The following ASIC2 variants were observed in gnomAD, a reference collection of about 807,000 sequenced individuals.
ASIC2 encodes the protein acid sensing ion channel subunit 2.
In ASIC2, 25 loss-of-function variants were observed where a neutral mutation model predicts 57.3. The observed-to-expected ratio is 0.44, with a 90% confidence interval of 0.32 to 0.61. The LOEUF is 0.61. ASIC2 is among the 20% of genes least tolerant of loss of function. ASIC2 has a pLI of 0.06. For synonymous variants in ASIC2, 319 were observed against 307.5 expected (o/e 1.04, Z -0.39); for missense variants, 641 against 738.1 (o/e 0.87, Z 1.52).
intron 1 of ASIC2, among the ~76,000 whole-genome samples, chr17:33,913,252 A>G (rs753552988): frequency 6.6e-6 from 1 of 152,174 alleles, no homozygotes; most frequent in African/African-American, 2.4e-5. Context: ...TACATTTTCA[A>G]TAAATGTTAG....
At chr17:33,326,135 G>A (rs9915111) in intron 1 of ASIC2, among the ~76,000 whole-genome samples, 19,233 of 152,148 alleles carry the variant, frequency 0.13, 1,332 homozygotes, top group East Asian at 0.27. Context: ...GATTGTATCT[G>A]TTGTGCATTC....
At position 33,510,822 on chromosome 17, in the gene ASIC2, C is replaced by A. The variant is rs191853108; in HGVS notation, c.556-398755G>T. Among the ~76,000 whole-genome samples, 420 of 152,204 alleles carry A rather than the reference C, an allele frequency of 2.8e-3. 4 individuals carry two copies. The highest frequency in any genetic ancestry group is 9.7e-3 in the African/African-American group (404 of 41,528). On this transcript the variant is annotated intron_variant, in intron 1 of 9. Coordinates refer to the ASIC2 transcript ENST00000359872. ...CAGCTTGTAGAAGCATCTGAGAGTG[C>A]AACCCCTGCACGAGGCCTTGTGAAC...
chr17:33,161,308 CCTT>C (rs1905153760), intron 1 of ASIC2, among the ~76,000 whole-genome samples: 1 of 152,154 alleles, frequency 6.6e-6, no homozygotes, highest in South Asian at 2.1e-4. Context: ...GCCACACTAA[CCTT>C]CTTTTCCTCT....
At chr17:33,401,322 C>T (rs183449166) in intron 1 of ASIC2, among the ~76,000 whole-genome samples, 87 of 152,260 alleles carry the variant, frequency 5.7e-4, no homozygotes, top group Admixed American at 2.1e-3. Flanking sequence ...TAATTCCTTT[C>T]TCCCCCTCTT....
At chr17:33,181,279 C>T (rs1905973970) in intron 1 of ASIC2, among the ~76,000 whole-genome samples, 3 of 152,124 alleles carry the variant, frequency 2.0e-5, no homozygotes, top group African/African-American at 4.8e-5. Context: ...ATAGCAAACA[C>T]TTATAGAAAA....
At chr17:33,268,720 C>T (rs1459413965) in intron 1 of ASIC2, among the ~76,000 whole-genome samples, 3 of 152,078 alleles carry the variant, frequency 2.0e-5, no homozygotes, top group East Asian at 1.9e-4. Flanking sequence ...GCACTTTTAC[C>T]AGAGACATCT....
intron 1 of ASIC2, chr17:33,689,257 G>A (rs1908290697): frequency 6.6e-6 from 1 of 152,136 alleles, no homozygotes; most frequent in Non-Finnish European, 1.5e-5. Flanking sequence ...TTTTAGTAGA[G>A]ATGAAGTCTC....
intron 1 of ASIC2, among the ~76,000 whole-genome samples, chr17:33,679,212 G>C (rs1490933): frequency 0.099 from 15,126 of 152,162 alleles, 1,065 homozygotes; most frequent in African/African-American, 0.19. Context: ...CTCCTTTATA[G>C]AAGGAAGTGG....
intron 1 of ASIC2, among the ~76,000 whole-genome samples, chr17:33,342,375 C>T (rs960654792): frequency 6.7e-6 from 1 of 149,488 alleles, no homozygotes; most frequent in African/African-American, 2.6e-5. Flanking sequence ...CTGACAGACA[C>T]ATTTGTGCAG....
At chr17:33,345,602 A>G (rs1487169988) in intron 1 of ASIC2, among the ~76,000 whole-genome samples, 1 of 152,224 alleles carries the variant, frequency 6.6e-6, no homozygotes, top group Non-Finnish European at 1.5e-5. Flanking sequence ...TCTGGTACAA[A>G]TGCTGTGAGG....
At chr17:34,098,668 A>C (rs1910632089) in intron 1 of ASIC2, among the ~76,000 whole-genome samples, 1 of 152,156 alleles carries the variant, frequency 6.6e-6, no homozygotes, top group South Asian at 2.1e-4. Context: ...AAAACATAGG[A>C]GGCTTTCCGT....
At chr17:33,260,047 AG>A (rs1006566047) in intron 1 of ASIC2, among the ~76,000 whole-genome samples, 2 of 152,200 alleles carry the variant, frequency 1.3e-5, no homozygotes, top group African/African-American at 4.8e-5. Flanking sequence ...CTGAGGTAGG[AG>A]GATTGCTTGA....
At chr17:34,069,860 G>C (rs1271936149) in intron 1 of ASIC2, 1 of 152,164 alleles carries the variant, frequency 6.6e-6, no homozygotes, top group Non-Finnish European at 1.5e-5. Context: ...GTTTGAGTAA[G>C]AGTGGTTTAG....
At chr17:33,162,551 C>A (rs978961026) in intron 1 of ASIC2, among the ~76,000 whole-genome samples, 2 of 152,168 alleles carry the variant, frequency 1.3e-5, no homozygotes, top group African/African-American at 2.4e-5. Flanking sequence ...GGCTTCACCC[C>A]ACTCCCAGCT....
At chr17:33,694,821 T>C (rs12451314) in intron 1 of ASIC2, among the ~76,000 whole-genome samples, 45,304 of 151,970 alleles carry the variant, frequency 0.3, 7,148 homozygotes, top group African/African-American at 0.41. Context: ...CATCTCCAGT[T>C]ACCTCTGTTT....
intron 1 of ASIC2, among the ~76,000 whole-genome samples, chr17:34,097,208 C>G (rs1001298429): frequency 1.3e-5 from 2 of 152,150 alleles, no homozygotes; most frequent in Non-Finnish European, 2.9e-5. Flanking sequence ...TATAAGGATG[C>G]TTTTACCTCT....
chr17:33,093,059 G>A (rs1444030752), intron 2 of ASIC2, among the ~76,000 whole-genome samples: 4 of 152,216 alleles, frequency 2.6e-5, no homozygotes, highest in Admixed American at 1.3e-4. Flanking sequence ...ACAACAACAC[G>A]GCAACAATAA....
At chr17:33,763,373 G>A (rs1292431478) in intron 1 of ASIC2, among the ~76,000 whole-genome samples, 2 of 152,184 alleles carry the variant, frequency 1.3e-5, no homozygotes, top group South Asian at 2.1e-4. Flanking sequence ...GAAAGGGTGG[G>A]ATGCTAGCTC....
intron 1 of ASIC2, among the ~76,000 whole-genome samples, chr17:33,940,726 T>C (rs188102021): frequency 2.0e-5 from 3 of 152,286 alleles, no homozygotes; most frequent in Admixed American, 2.0e-4. Flanking sequence ...CTTTGCAAAT[T>C]GAGACAAGAC....
Sources: allele counts gnomAD v4.1 joint callset (sites outside exome capture counted in the v4.1 genomes callset), GRCh38; gene constraint gnomAD v4.1.1; transcripts MANE v1.5; gene names NCBI Gene and HGNC (gene_info 2026-07-23, HGNC 2026-07-21).